CREB5: variants seen among roughly 807,000 people sequenced by gnomAD.
CREB5 encodes the protein cAMP responsive element binding protein 5.
Under a neutral mutation model 57.1 loss-of-function variants are expected in CREB5, and 19 were observed. That is an observed-to-expected ratio of 0.33 (90% CI 0.23 to 0.49). The LOEUF (loss-of-function observed/expected upper bound fraction) is 0.49. Among genes scored for constraint, CREB5 ranks in the 20% least tolerant of loss-of-function variants. CREB5 has a pLI of 0.99. For synonymous variants in CREB5, 238 were observed against 238.3 expected, an observed-to-expected ratio of 1.00 and a Z score of 0.01; for missense variants, 579 against 671.6, an observed-to-expected ratio of 0.86 and a Z score of 1.52.
intron 1 of CREB5, among the ~76,000 whole-genome samples, chr7:28,317,146 T>C (rs1785398383): frequency 6.6e-6 from 1 of 151,954 alleles, no homozygotes; most frequent in Admixed American, 6.6e-5. Context: ...TTTTGCATTC[T>C]GCTGCCCATA....
intron 8 of CREB5, among the ~76,000 whole-genome samples, chr7:28,807,787 AG>A (rs1200950125): frequency 2.6e-5 from 4 of 152,020 alleles, no homozygotes; most frequent in East Asian, 1.9e-4. Context: ...GAAATGGGAG[AG>A]GAAAAAAAAA....
intron 5 of CREB5, among the ~76,000 whole-genome samples, chr7:28,655,633 A>G (rs1003724764): frequency 1.1e-4 from 16 of 152,190 alleles, no homozygotes; most frequent in Non-Finnish European, 2.2e-4. Flanking sequence ...TAATTAAGTA[A>G]TTAATTTAAT....
intron 1 of CREB5, among the ~76,000 whole-genome samples, chr7:28,475,142 C>T (rs992004694): frequency 4.6e-5 from 7 of 151,416 alleles, no homozygotes; most frequent in African/African-American, 9.7e-5. Context: ...ATTATGGAGA[C>T]GTCATCTCTC....
chr7:28,751,751 T>C (rs1342160295), intron 7 of CREB5, among the ~76,000 whole-genome samples: 1 of 152,220 alleles, frequency 6.6e-6, no homozygotes, highest in Non-Finnish European at 1.5e-5. Context: ...TGGTGCAATG[T>C]TATTAACTAA....
chr7:28,410,945 C>T (rs565852768), upstream of CREB5, among the ~76,000 whole-genome samples: 1 of 152,090 alleles, frequency 6.6e-6, no homozygotes, highest in Admixed American at 6.6e-5. Flanking sequence ...ACCACTCCCC[C>T]GTCTACACCG....
intron 7 of CREB5, among the ~76,000 whole-genome samples, chr7:28,740,692 CT>C: frequency 6.6e-6 from 1 of 152,310 alleles, no homozygotes; most frequent in East Asian, 1.9e-4. Flanking sequence ...AAAATCTCCT[CT>C]GAAATGGGGT....
chr7:28,675,536 G>C (rs1309304398), intron 5 of CREB5, among the ~76,000 whole-genome samples: 2 of 152,224 alleles, frequency 1.3e-5, no homozygotes, highest in African/African-American at 2.4e-5. Flanking sequence ...GAAATGCAGA[G>C]AGAGGTAGTG....
intron 1 of CREB5, among the ~76,000 whole-genome samples, chr7:28,384,797 CAG>C (rs1234475118): frequency 2.0e-5 from 3 of 152,096 alleles, no homozygotes; most frequent in Non-Finnish European, 4.4e-5. Flanking sequence ...TGCAATGAAA[CAG>C]AAAGATATTA....
intron 1 of CREB5, among the ~76,000 whole-genome samples, chr7:28,316,110 C>T (rs892312463): frequency 3.3e-5 from 5 of 152,068 alleles, no homozygotes; most frequent in East Asian, 1.9e-4. Flanking sequence ...GCCGAGGAGG[C>T]GGGTGGGATG....
intron 1 of CREB5, among the ~76,000 whole-genome samples, chr7:28,399,480 C>T (rs1787406661): frequency 6.7e-6 from 1 of 148,754 alleles, no homozygotes; most frequent in Admixed American, 6.7e-5. Flanking sequence ...TGAAATAAAG[C>T]CATACACCTA....
intron 5 of CREB5, among the ~76,000 whole-genome samples, chr7:28,689,539 G>A (rs1360556067): frequency 6.6e-6 from 1 of 152,084 alleles, no homozygotes; most frequent in Non-Finnish European, 1.5e-5. Context: ...GTAACATCTT[G>A]CAAAACTGTT....
rs557707399 is a variant in CREB5 at position 28,595,030 on chromosome 7, T to C, written c.464+24493T>C. On this transcript the variant is annotated intron_variant, in intron 5 of 10. Coordinates refer to ENST00000357727, the MANE Select transcript of CREB5 (RefSeq NM_182898.4). ...ACTTTAGTCATTCATTGAATATTTGTTGAGCCCTCCCACTCCCTGAGCCCC... is the reference window on the plus strand; with the variant it reads ...ACTTTAGTCATTCATTGAATATTTGCTGAGCCCTCCCACTCCCTGAGCCCC... Among the ~76,000 whole-genome samples the C allele has an allele frequency of 6.5e-4, 99 of 152,168 alleles. 1 individual carries two copies. Among genetic ancestry groups the C allele is most frequent in the Non-Finnish European group, 1.2e-3 (81 of 68,030 alleles).
intron 5 of CREB5, among the ~76,000 whole-genome samples, chr7:28,669,097 G>T (rs1349505553): frequency 3.9e-5 from 6 of 152,218 alleles, no homozygotes; most frequent in Admixed American, 2.6e-4. Context: ...TTTGATATGG[G>T]TCTCATAGAA....
intron 7 of CREB5, among the ~76,000 whole-genome samples, chr7:28,745,945 C>T (rs1009562367): frequency 4.6e-5 from 7 of 152,230 alleles, no homozygotes; most frequent in African/African-American, 9.6e-5. Context: ...CCTCCAAGAA[C>T]CTGCTCAAGC....
At chr7:28,516,326 T>A (rs927490161) in intron 4 of CREB5, among the ~76,000 whole-genome samples, 1 of 152,166 alleles carries the variant, frequency 6.6e-6, no homozygotes, top group Non-Finnish European at 1.5e-5. Flanking sequence ...GAGAGATCGG[T>A]GTGGGACATA....
chr7:28,761,261 C>A (rs971787535), intron 7 of CREB5, among the ~76,000 whole-genome samples: 1 of 152,138 alleles, frequency 6.6e-6, no homozygotes, highest in Non-Finnish European at 1.5e-5. Flanking sequence ...GTAGTTGACC[C>A]TAGATGGGGT....
chr7:28,737,839 GT>G (rs1804116734), intron 7 of CREB5, among the ~76,000 whole-genome samples: 1 of 151,764 alleles, frequency 6.6e-6, no homozygotes, highest in African/African-American at 2.4e-5. Context: ...ACTCATGGGA[GT>G]TATACAGCTG....
intron 1 of CREB5, among the ~76,000 whole-genome samples, chr7:28,431,978 A>G (rs887550160): frequency 5.3e-4 from 68 of 127,628 alleles, no homozygotes; most frequent in African/African-American, 1.9e-3. Flanking sequence ...GCAAACAGCT[A>G]TGCCTTTTTT....
At chr7:28,594,116 G>A (rs1397526638) in intron 5 of CREB5, among the ~76,000 whole-genome samples, 1 of 152,180 alleles carries the variant, frequency 6.6e-6, no homozygotes, top group Non-Finnish European at 1.5e-5. Flanking sequence ...CCCAGTGGAG[G>A]AGAAATCTGC....
Sources: allele counts gnomAD v4.1 joint callset (sites outside exome capture counted in the v4.1 genomes callset), GRCh38; gene constraint gnomAD v4.1.1; transcripts MANE v1.5; gene names NCBI Gene and HGNC (gene_info 2026-07-23, HGNC 2026-07-21).